COL5A1: variants seen among roughly 807,000 people sequenced by gnomAD.
COL5A1 encodes the protein collagen type V alpha 1 chain.
Under a neutral mutation model 263.7 loss-of-function variants are expected in COL5A1, and 16 were observed. That is an observed-to-expected ratio of 0.06 (90% CI 0.04 to 0.09). COL5A1 has a LOEUF of 0.09. Among genes scored for constraint, COL5A1 ranks in the 10% least tolerant of loss-of-function variants. The probability of loss-of-function intolerance (pLI) is 1.00; values close to 1 mark genes in which losing one functional copy is unlikely to be tolerated. For missense variants in COL5A1, 2,036 were observed against 2,540.5 expected (o/e 0.80, Z 4.27); for synonymous variants, 1,012 against 1,004.5 (o/e 1.01, Z -0.14).
At chr9:134,679,971 G>T (rs554803156) in intron 1 of COL5A1, among the ~76,000 whole-genome samples, 1 of 152,088 alleles carries the variant, frequency 6.6e-6, no homozygotes, top group African/African-American at 2.4e-5. Context: ...CGGGAGTGGG[G>T]TGGTGCCGGG....
chr9:134,818,946 C>T lies in COL5A1; in HGVS notation c.4392+45C>T, dbSNP rs147842205. ...GTGAGCATAGCGGGTGGGATGACTT[C>T]GCCACCCAAAGCCCCAAGGATGAGG... On this transcript the variant is annotated intron_variant, in intron 56 of 65. Transcript: ENST00000371817. The surrounding 1 kb of genome is among the most constrained non-coding windows in gnomAD (Gnocchi z 6.0). 4,255 of 1,612,592 alleles carry T rather than the reference C, an allele frequency of 2.6e-3. 15 individuals are homozygous for T. The highest frequency in any genetic ancestry group is 0.011 in the Middle Eastern group (64 of 6,062).
intron 27 of COL5A1, among the ~76,000 whole-genome samples, chr9:134,777,542 A>G (rs112307046): frequency 1.1e-4 from 17 of 152,066 alleles, no homozygotes; most frequent in Non-Finnish European, 1.8e-4. Flanking sequence ...GGATCCTGAA[A>G]CGGTAGAACT....
rs1471829273 is a variant in COL5A1, at chr9:134,682,956, A to G, written c.110-7956A>G. 1.3e-5 allele frequency among the ~76,000 whole-genome samples: 2 copies of G among 152,310 alleles called. No individual in the cohort carries two copies. The highest frequency in any genetic ancestry group is 1.9e-4 in the East Asian group (1 of 5,176). On this transcript the variant is annotated intron_variant, in intron 1 of 65. Transcript: ENST00000371817. This position sits in a 1 kb window ranked among gnomAD's most constrained non-coding sequence, Gnocchi z 5.1. ...TATTGAACTTGTTTAGGGGAAAAAA[A>G]GGAATTAGAGAAAAAGATCCAATGC...
intron 51 of COL5A1, 37 bp downstream of exon 51, chr9:134,815,666 A>G (rs1410242243): frequency 6.2e-7 from 1 of 1,607,410 alleles, no homozygotes; most frequent in Non-Finnish European, 8.5e-7. Context: ...CGGATCCCCC[A>G]CAGTGCTGGC....
chr9:134,765,642 T>G lies in COL5A1; in HGVS notation c.2035-39T>G. The G allele has an allele frequency of 1.9e-6, 3 of 1,588,502 alleles. No individual in the cohort carries two copies. The highest frequency in any genetic ancestry group is 2.6e-6 in the Non-Finnish European group (3 of 1,156,746). ...GGACAGAGAGGAGGGCTGGGATTTC[T>G]GCCCGAGTTTAAATCCTATTTTCCC... On this transcript the variant is annotated intron_variant, in intron 20 of 65. Coordinates refer to ENST00000371817, the MANE Select transcript of COL5A1 (RefSeq NM_000093.5). This position sits in a 1 kb window ranked among gnomAD's most constrained non-coding sequence, Gnocchi z 5.1.
At chr9:134,665,500 G>T (rs1246651743) in intron 1 of COL5A1, among the ~76,000 whole-genome samples, 1 of 152,232 alleles carries the variant, frequency 6.6e-6, no homozygotes, top group Non-Finnish European at 1.5e-5. Context: ...ACAAATCTAG[G>T]CTTGTCTATG....
chr9:134,804,037 T>C (rs1254596621), intron 39 of COL5A1, among the ~76,000 whole-genome samples: 2 of 152,076 alleles, frequency 1.3e-5, no homozygotes, highest in African/African-American at 4.8e-5. Flanking sequence ...CTTTCAGCTC[T>C]TCAATAAGGA....
At chr9:134,760,639 TCATACACTCATGCACACAC>T (rs1836359836) in intron 18 of COL5A1, among the ~76,000 whole-genome samples, 2 of 36,290 alleles carry the variant, frequency 5.5e-5, no homozygotes, top group African/African-American at 2.5e-4. Context: ...ACCCCCACAC[TCATACACTCATGCACACAC>T]ACACACCACA....
chr9:134,783,107 C>T (rs192792000), intron 29 of COL5A1, among the ~76,000 whole-genome samples: 1 of 152,336 alleles, frequency 6.6e-6, no homozygotes, highest in African/African-American at 2.4e-5. Context: ...GGAAATGACC[C>T]AGCCTACCGA....
intron 4 of COL5A1, among the ~76,000 whole-genome samples, chr9:134,721,845 C>T (rs1004818124): frequency 2.0e-5 from 3 of 152,334 alleles, no homozygotes; most frequent in African/African-American, 7.2e-5. Context: ...TGCAGAGAAG[C>T]TCCTCCTCAA....
Position 134,818,974 on chromosome 9 carries a change from T to C in COL5A1, c.4393-26T>C. Reference sequence around the variant, plus strand: ...CACCCAAAGCCCCAAGGATGAGGACTCTGATCCCCCTGCCTCCTCCCACAG... The same window carrying C: ...CACCCAAAGCCCCAAGGATGAGGACCCTGATCCCCCTGCCTCCTCCCACAG... On this transcript the variant is annotated intron_variant, in intron 56 of 65. Transcript: ENST00000371817. The surrounding 1 kb of genome is among the most constrained non-coding windows in gnomAD (Gnocchi z 6.0). 6.2e-7 allele frequency: 1 copy of C among 1,613,240 alleles called. No individual in the cohort carries two copies. The highest frequency in any genetic ancestry group is 1.3e-5 in the African/African-American group (1 of 75,050).
intron 4 of COL5A1, chr9:134,708,576 G>C (rs546908379): frequency 1.9e-6 from 1 of 518,728 alleles, no homozygotes; most frequent in South Asian, 1.4e-5. Context: ...CACCTGTGTG[G>C]CAGCCCAGAC....
intron 1 of COL5A1, among the ~76,000 whole-genome samples, chr9:134,688,436 G>A (rs1042968011): frequency 6.6e-6 from 1 of 152,214 alleles, no homozygotes; most frequent in South Asian, 2.1e-4. Context: ...CTCTTTCCAC[G>A]GGCTGCATCC....
In COL5A1 at chr9:134,647,304, A is replaced by T. The variant is rs1332166389; in HGVS notation, c.109+5008A>T. Among the ~76,000 whole-genome samples, 1 of 152,096 alleles carries T rather than the reference A, an allele frequency of 6.6e-6. No individual in the cohort carries two copies. Among genetic ancestry groups the T allele is most frequent in the Admixed American group, 6.5e-5 (1 of 15,270 alleles). On this transcript the variant is annotated intron_variant, in intron 1 of 65. Coordinates refer to ENST00000371817, the MANE Select transcript of COL5A1 (RefSeq NM_000093.5). This position sits in a 1 kb window ranked among gnomAD's most constrained non-coding sequence, Gnocchi z 5.0. ...TTGTCCAGGCCGTGGGGTGTGATGC[A>T]TGTGAAAAGCTTTAGAAGCCAATTC... is the stretch of plus-strand genomic sequence containing the variant.
At position 134,819,092 on chromosome 9, in the gene COL5A1, G is replaced by A. The variant is rs113451014; in HGVS notation, c.4446+39G>A. 1.6e-3 allele frequency: 2,504 copies of A among 1,607,258 alleles called. 31 individuals carry two copies. In the East Asian group the frequency reaches 0.023, roughly 15 times the overall value. On this transcript the variant is annotated intron_variant, in intron 57 of 65. Transcript: ENST00000371817. ...CCCTGCCCCAGCAACTGTGACTCGG[G>A]GCCTTCAAATTTGTGGCCGTGGGTC...
chr9:134,835,230 A>AT, intron 65 of COL5A1, 26 bp downstream of exon 65: 1 of 1,593,366 alleles, frequency 6.3e-7, no homozygotes, highest in Non-Finnish European at 8.6e-7. Context: ...CGCGCCCAGC[A>AT]CCCCTGCTCA....
Position 134,742,306 on chromosome 9 carries a change from C to A in COL5A1, c.1494+3498C>A, listed in dbSNP as rs560785182. Among the ~76,000 whole-genome samples, 1 of 151,476 alleles carries A rather than the reference C, an allele frequency of 6.6e-6. No individual in the cohort carries two copies. Among genetic ancestry groups the A allele is most frequent in the Non-Finnish European group, 1.5e-5 (1 of 67,810 alleles). ...GGGCCTGCCTTAAGAAACTCACCGT[C>A]CAGTGAGGAAGAAAAGGCACAGACC... is the stretch of plus-strand genomic sequence containing the variant. On this transcript the variant is annotated intron_variant, in intron 11 of 65. Coordinates refer to ENST00000371817, the MANE Select transcript of COL5A1 (RefSeq NM_000093.5). The surrounding 1 kb of genome is among the most constrained non-coding windows in gnomAD (Gnocchi z 4.6).
intron 1 of COL5A1, among the ~76,000 whole-genome samples, chr9:134,668,141 T>C (rs1269850967): frequency 1.3e-5 from 2 of 152,162 alleles, no homozygotes; most frequent in Non-Finnish European, 2.9e-5. Context: ...GATTGGACAA[T>C]CAGAAGATCT....
chr9:134,708,508 G>T, intron 4 of COL5A1: 1 of 499,830 alleles, frequency 2.0e-6, no homozygotes, highest in Admixed American at 2.0e-5. Flanking sequence ...ACCCAGCCCT[G>T]CTGTCTCCTT....
Sources: allele counts gnomAD v4.1 joint callset (sites outside exome capture counted in the v4.1 genomes callset), GRCh38; gene constraint gnomAD v4.1.1; non-coding constraint Gnocchi (gnomAD v3.1); transcripts MANE v1.5; gene names NCBI Gene and HGNC (gene_info 2026-07-23, HGNC 2026-07-21).